Variants in TET3 observed in about 807,000 individuals in gnomAD.
The protein encoded by TET3 is tet methylcytosine dioxygenase 3.
In TET3, 19 loss-of-function variants were observed where a neutral mutation model predicts 141.4. The ratio of observed to expected loss-of-function variants is 0.13; its 90% CI spans 0.09 to 0.20. TET3 has a LOEUF of 0.20. Among genes scored for constraint, TET3 ranks in the 10% least tolerant of loss-of-function variants. The probability of loss-of-function intolerance (pLI) is 1.00; values close to 1 mark genes in which losing one functional copy is unlikely to be tolerated. For missense variants in TET3, 1,874 were observed against 2,356.9 expected (o/e 0.80, Z 4.24); for synonymous variants, 1,043 against 980.9 (o/e 1.06, Z -1.18).
At chr2:74,028,574 T>C (rs1259473333) in intron 3 of TET3, among the ~76,000 whole-genome samples, 3 of 152,220 alleles carry the variant, frequency 2.0e-5, no homozygotes. Flanking sequence ...TCCCATTTAA[T>C]TATCTTAGTG....
downstream of TET3, among the ~76,000 whole-genome samples, chr2:74,110,374 A>G (rs1691672275): frequency 6.6e-6 from 1 of 152,178 alleles, no homozygotes; most frequent in African/African-American, 2.4e-5. Context: ...GTGTGTTCTG[A>G]TGCTCTTGTA....
intron 4 of TET3, among the ~76,000 whole-genome samples, chr2:74,072,455 T>G (rs1341612750): frequency 6.7e-6 from 1 of 150,184 alleles, no homozygotes; most frequent in African/African-American, 2.5e-5. Flanking sequence ...GAGGTTGCAG[T>G]GAGCCAAGAT....
intron 3 of TET3, among the ~76,000 whole-genome samples, chr2:74,026,054 C>G (rs1342280034): frequency 6.6e-6 from 1 of 152,202 alleles, no homozygotes; most frequent in Non-Finnish European, 1.5e-5. Flanking sequence ...AAGCCTAAGG[C>G]AGAGAGGTGG....
At chr2:74,000,051 G>A (rs1684772318) in intron 2 of TET3, among the ~76,000 whole-genome samples, 1 of 152,138 alleles carries the variant, frequency 6.6e-6, no homozygotes, top group South Asian at 2.1e-4. Context: ...GTGGAGCCAG[G>A]AGTTGGGATG....
intron 2 of TET3, among the ~76,000 whole-genome samples, chr2:73,993,963 AG>A (rs1330728061): frequency 6.6e-6 from 1 of 152,102 alleles, no homozygotes; most frequent in African/African-American, 2.4e-5. Flanking sequence ...AAGATGAAGT[AG>A]TAGGCGAGTC....
intron 2 of TET3, among the ~76,000 whole-genome samples, chr2:73,991,805 CAAAAAAA>C (rs772400180): frequency 7.5e-5 from 6 of 79,606 alleles, no homozygotes; most frequent in African/African-American, 1.9e-4. Context: ...AACTCTGTCT[CAAAAAAA>C]AAAAAAAAAA....
At chr2:74,080,996 C>T (rs1334121578) in intron 6 of TET3, among the ~76,000 whole-genome samples, 1 of 152,192 alleles carries the variant, frequency 6.6e-6, no homozygotes, top group Non-Finnish European at 1.5e-5. Flanking sequence ...TGTCCCCTTC[C>T]ATGTGCCCTG....
At chr2:74,041,883 AGTAT>A (rs1687359737) in intron 3 of TET3, among the ~76,000 whole-genome samples, 1 of 152,200 alleles carries the variant, frequency 6.6e-6, no homozygotes, top group African/African-American at 2.4e-5. Context: ...TTGGGGCCTA[AGTAT>A]GAGACCCTGT....
At chr2:73,987,600 A>G (rs1386066080) in intron 2 of TET3, among the ~76,000 whole-genome samples, 1 of 152,224 alleles carries the variant, frequency 6.6e-6, no homozygotes, top group Admixed American at 6.5e-5. Context: ...GGAGCGGTGT[A>G]GCCGCTGAGG....
chr2:74,042,247 A>G (rs945732799), intron 3 of TET3, among the ~76,000 whole-genome samples: 1 of 152,232 alleles, frequency 6.6e-6, no homozygotes, highest in African/African-American at 2.4e-5. Flanking sequence ...TGCAAAGTCA[A>G]AGGCCTACAG....
Position 74,093,509 on chromosome 2 carries a change from C to T in TET3, c.3130-20C>T. On this transcript the variant is annotated intron_variant, in intron 9 of 11. Transcript: ENST00000409262. The surrounding 1 kb of genome is among the most constrained non-coding windows in gnomAD (Gnocchi z 4.2). ...CTCACCTCAGGTCATGTGAGCACCT[C>T]TCCTTGGCTGTCTACACAGGTGACC... is the stretch of plus-strand genomic sequence containing the variant. The T allele has an allele frequency of 6.3e-7, 1 of 1,590,950 alleles. No homozygotes were observed. The highest frequency in any genetic ancestry group is 8.6e-7 in the Non-Finnish European group (1 of 1,167,004).
intron 10 of TET3, among the ~76,000 whole-genome samples, chr2:74,095,424 G>A (rs2104151573): frequency 6.6e-6 from 1 of 152,108 alleles, no homozygotes; most frequent in Non-Finnish European, 1.5e-5. Flanking sequence ...TCTAGAGTTT[G>A]GGGTTGAAAA....
At chr2:74,095,701 G>A (rs532325029) in intron 10 of TET3, among the ~76,000 whole-genome samples, 7 of 152,312 alleles carry the variant, frequency 4.6e-5, no homozygotes, top group African/African-American at 7.2e-5. Flanking sequence ...TTCATTTTCC[G>A]AGGCTGTATG....
chr2:74,056,972 T>A (rs972424002), intron 4 of TET3, among the ~76,000 whole-genome samples: 1 of 152,164 alleles, frequency 6.6e-6, no homozygotes, highest in Non-Finnish European at 1.5e-5. Context: ...CTAGAAGCCA[T>A]GCTCTCTGGA....
rs1261851447 is a variant in TET3, at chr2:74,061,172, G to A, written c.2495-12377G>A. Among the ~76,000 whole-genome samples the A allele has an allele frequency of 1.3e-5, 2 of 149,346 alleles. 1 individual carries two copies. The highest frequency in any genetic ancestry group is 4.9e-5 in the African/African-American group (2 of 40,700). On this transcript the variant is annotated intron_variant, in intron 4 of 11. Transcript: ENST00000409262. ...ACCCCCCCCACTTCCCTCCCGGACG[G>A]GGCGGCCGGCCGGGCGGGGGGCTGA...
chr2:74,022,316 T>C (rs1424606337), intron 3 of TET3, among the ~76,000 whole-genome samples: 1 of 152,046 alleles, frequency 6.6e-6, no homozygotes, highest in Non-Finnish European at 1.5e-5. Flanking sequence ...GTATGCTTTT[T>C]TTATGAATGG....
At chr2:74,065,612 G>A (rs1469659346) in intron 4 of TET3, among the ~76,000 whole-genome samples, 1 of 133,450 alleles carries the variant, frequency 7.5e-6, no homozygotes, top group African/African-American at 2.9e-5. Flanking sequence ...CCGTCCGTCC[G>A]TCCGTCCGTC....
chr2:74,009,904 C>T (rs1685337491), intron 3 of TET3, among the ~76,000 whole-genome samples: 2 of 152,174 alleles, frequency 1.3e-5, no homozygotes, highest in South Asian at 4.1e-4. Flanking sequence ...GGCATAGGGG[C>T]CTCAGGTATG....
chr2:73,988,321 C>G (rs1475342166), intron 2 of TET3, among the ~76,000 whole-genome samples: 1 of 152,126 alleles, frequency 6.6e-6, no homozygotes, highest in Non-Finnish European at 1.5e-5. Context: ...TTCTAGCATT[C>G]CTTTTCTTCC....
Sources: allele counts gnomAD v4.1 joint callset (sites outside exome capture counted in the v4.1 genomes callset), GRCh38; gene constraint gnomAD v4.1.1; non-coding constraint Gnocchi (gnomAD v3.1); transcripts MANE v1.5; gene names NCBI Gene and HGNC (gene_info 2026-07-23, HGNC 2026-07-21).